Variants in PSME1 observed in about 807,000 individuals in gnomAD.
PSME1 encodes proteasome activator subunit 1, also known as proteasome activator complex subunit 1.
Under a neutral mutation model 38.4 loss-of-function variants are expected in PSME1, and 15 were observed. That is an observed-to-expected ratio of 0.39 (90% CI 0.26 to 0.60). The LOEUF is 0.60. PSME1 is among the 20% of genes least tolerant of loss of function. The pLI is 0.53. For synonymous variants in PSME1, 106 were observed against 106.8 expected (o/e 0.99, Z 0.05); for missense variants, 249 against 305.6 (o/e 0.81, Z 1.38).
rs777672344 is a variant in PSME1, at chr14:24,137,396, G to C, written c.211G>C (p.Glu71Gln). 6.2e-7 allele frequency: 1 copy of C among 1,614,130 alleles called. No individual in the cohort carries two copies. Among genetic ancestry groups the C allele is most frequent in the Non-Finnish European group, 8.5e-7 (1 of 1,180,026 alleles). The change falls in exon 4 of 11, where the codon GAG becomes CAG. Residue 71 changes from glutamate (E) to glutamine (Q), a missense_variant. Physicochemically the swap from Glu to Gln is conservative, Grantham distance 29 (BLOSUM62 2). Coordinates refer to ENST00000206451, the MANE Select transcript of PSME1 (RefSeq NM_006263.4). Reference protein sequence around the residue: ...LDIPVPDPVKEKEKEERKKQQ... With the variant: ...LDIPVPDPVKQKEKEERKKQQ... ...CATCCCAGTGCCTGATCCAGTCAAGGAGAAAGAGAAAGAGGAGCGGAAGAA... is the reference window on the plus strand; with the variant it reads ...CATCCCAGTGCCTGATCCAGTCAAGCAGAAAGAGAAAGAGGAGCGGAAGAA...
In PSME1 at chr14:24,138,336, C is replaced by T; in HGVS notation, c.528-9C>T. On this transcript the variant is annotated splice_polypyrimidine_tract_variant and intron_variant, in intron 8 of 10. Transcript: ENST00000206451. ...TTCTTCTACTCCATACACACTTCTC[C>T]TTCCACAGGTATTTCTCTGAGCGTG... The T allele has an allele frequency of 1.9e-6, 3 of 1,614,110 alleles. No homozygotes were observed. The highest frequency in any genetic ancestry group is 1.7e-6 in the Non-Finnish European group (2 of 1,180,034).
intron 10 of PSME1, 68 bp from the exon 11 acceptor site, chr14:24,138,668 A>G: frequency 2.5e-6 from 4 of 1,613,594 alleles, no homozygotes; most frequent in Non-Finnish European, 3.4e-6. Flanking sequence ...CAGCTTCTCC[A>G]CAAGGCTAGA....
Position 24,138,123 on chromosome 14 carries a change from A to G in PSME1, c.459+6A>G, listed in dbSNP as rs775329105. ...ATTTTGGAGTGGCTGTCCAGGTGAG[A>G]GCGCTGCCCCACTTCCCTGCTCTTT... is the stretch of plus-strand genomic sequence containing the variant. On this transcript the variant is annotated splice_donor_region_variant and intron_variant, in intron 7 of 10. Coordinates refer to ENST00000206451, the MANE Select transcript of PSME1 (RefSeq NM_006263.4). The G allele has an allele frequency of 3.1e-6, 5 of 1,614,128 alleles. No homozygotes were observed. The highest frequency in any genetic ancestry group is 2.2e-5 in the South Asian group (2 of 91,084).
chr14:24,138,947 T>C lies in PSME1; in HGVS notation c.*131T>C, dbSNP rs762255035. 1.7e-5 allele frequency: 27 copies of C among 1,599,068 alleles called. No homozygotes were observed. The highest frequency in any genetic ancestry group is 2.2e-5 in the Non-Finnish European group (26 of 1,171,326). ...CCTTGCCTCTCAGGCACAATAAATA[T>C]AGTTATACCACTGCCCATCAGCCCA... On this transcript the variant is annotated 3_prime_UTR_variant, in exon 11 of 11. Transcript: ENST00000206451.
chr14:24,138,904 G>T lies in PSME1; in HGVS notation c.*88G>T, dbSNP rs1049104856. The T allele has an allele frequency of 2.5e-6, 4 of 1,591,604 alleles. No homozygotes were observed. In the African/African-American group the frequency reaches 5.4e-5, roughly 21 times the overall value. ...CCAGATTTTCCCCAAACTTGCTTCTGTTGAGATTTTTCCCTCACCTTGCCT... is the reference window on the plus strand; with the variant it reads ...CCAGATTTTCCCCAAACTTGCTTCTTTTGAGATTTTTCCCTCACCTTGCCT... On this transcript the variant is annotated 3_prime_UTR_variant, in exon 11 of 11. Coordinates refer to ENST00000206451, the MANE Select transcript of PSME1 (RefSeq NM_006263.4).
intron 6 of PSME1, 61 bp downstream of exon 6, chr14:24,137,858 C>A (rs1714723643): frequency 6.4e-7 from 1 of 1,569,932 alleles, no homozygotes; most frequent in South Asian, 1.1e-5. Flanking sequence ...TTGGTCCCTG[C>A]CATTTAGGGC....
Position 24,136,976 on chromosome 14 carries a change from G to A in PSME1, c.40-9G>A. 6.2e-7 allele frequency: 1 copy of A among 1,614,154 alleles called. No individual in the cohort carries two copies. Among genetic ancestry groups the A allele is most frequent in the South Asian group, 1.1e-5 (1 of 91,084 alleles). ...GCCAAGTTTCTGAAGGGATGCGTGT[G>A]CCCCACAGGTGGATGTGTTTCGTGA... On this transcript the variant is annotated splice_polypyrimidine_tract_variant and intron_variant, in intron 1 of 10. Transcript: ENST00000206451. This position sits in a 1 kb window ranked among gnomAD's most constrained non-coding sequence, Gnocchi z 4.8.
chr14:24,138,280 G>C lies in PSME1; in HGVS notation c.527+17G>C. 1 of 1,614,098 alleles carries C rather than the reference G, an allele frequency of 6.2e-7. No homozygotes were observed. The highest frequency in any genetic ancestry group is 1.1e-5 in the South Asian group (1 of 91,088). ...AATCTCTAAGTGAGTGACCACCCAT[G>C]TGCACACTGTTTTTGTTTTGGGAGA... On this transcript the variant is annotated intron_variant, in intron 8 of 10. Coordinates refer to ENST00000206451, the MANE Select transcript of PSME1 (RefSeq NM_006263.4).
chr14:24,138,461 G>A lies in PSME1; in HGVS notation c.583-13G>A, dbSNP rs539304082. The A allele has an allele frequency of 1.2e-5, 20 of 1,614,100 alleles. No homozygotes were observed. The highest frequency in any genetic ancestry group is 1.2e-4 in the African/African-American group (9 of 75,028). On this transcript the variant is annotated splice_polypyrimidine_tract_variant and intron_variant, in intron 9 of 10. Transcript: ENST00000206451. ...ACACATGTAAGGTCAGGCCTGACCC[G>A]AGCTTCCCACAGGGTGATTATCGGC... is the stretch of plus-strand genomic sequence containing the variant.
Position 24,137,182 on chromosome 14 carries a change from T to G in PSME1, c.112T>G (p.Ser38Ala). 1.2e-6 allele frequency: 2 copies of G among 1,614,150 alleles called. No homozygotes were observed. The highest frequency in any genetic ancestry group is 1.7e-6 in the Non-Finnish European group (2 of 1,180,026). The change falls in exon 3 of 11, where the codon TCT (serine) becomes GCT (alanine). Residue 38 changes from serine (S) to alanine (A), a missense_variant. Coordinates refer to ENST00000206451, the MANE Select transcript of PSME1 (RefSeq NM_006263.4). ...CGGGAGCTATTTCCCCAAGAAGATT[T>G]CTGAGCTGGATGCATTTTTAAAGGT... ...LLGSYFPKKI[S>A]ELDAFLKEPA...
At position 24,138,722 on chromosome 14, in the gene PSME1, C is replaced by A; in HGVS notation, c.670-14C>A. 1 of 1,614,164 alleles carries A rather than the reference C, an allele frequency of 6.2e-7. No homozygotes were observed. The highest frequency in any genetic ancestry group is 2.2e-5 in the East Asian group (1 of 44,884). On this transcript the variant is annotated splice_polypyrimidine_tract_variant and intron_variant, in intron 10 of 10. Transcript: ENST00000206451. ...TGGAGGCCTCTGACTGACCTCTACT[C>A]CCTGGCCCTGTAGGCTGTGTTATAT...
In PSME1 at chr14:24,137,129, C is replaced by T. The variant is rs2037918062; in HGVS notation, c.73-14C>T. ...GCTGACTCCCATCCTCCTCCACCCCCACCTCACACACAGACAGAGAACCTG... is the reference window on the plus strand; with the variant it reads ...GCTGACTCCCATCCTCCTCCACCCCTACCTCACACACAGACAGAGAACCTG... On this transcript the variant is annotated splice_polypyrimidine_tract_variant and intron_variant, in intron 2 of 10. Coordinates refer to ENST00000206451, the MANE Select transcript of PSME1 (RefSeq NM_006263.4). 1 of 1,614,144 alleles carries T rather than the reference C, an allele frequency of 6.2e-7. No homozygotes were observed.
rs751432068 is a variant in PSME1 at position 24,137,654 on chromosome 14, C to G, written c.293-46C>G. On this transcript the variant is annotated intron_variant, in intron 5 of 10. Coordinates refer to ENST00000206451, the MANE Select transcript of PSME1 (RefSeq NM_006263.4). ...TTTCTTTCCAGTCTCCCCTTCGCCCCTCACACAGGCTCAATCATGTGACTG... is the reference window on the plus strand; with the variant it reads ...TTTCTTTCCAGTCTCCCCTTCGCCCGTCACACAGGCTCAATCATGTGACTG... The G allele has an allele frequency of 1.9e-6, 3 of 1,610,916 alleles. No homozygotes were observed. The Admixed American group carries it at 5.0e-5, about 27-fold the overall frequency.
chr14:24,138,540 A>T lies in PSME1; in HGVS notation c.649A>T (p.Met217Leu), dbSNP rs144155948. The change falls in exon 10 of 11, where the codon ATG becomes TTG. Residue 217 changes from methionine (M) to leucine (L), a missense_variant. By Grantham distance (15) the Met-to-Leu change is conservative (BLOSUM62 2). Coordinates refer to ENST00000206451, the MANE Select transcript of PSME1 (RefSeq NM_006263.4). ...AEYRDIRLMV[M>L]EIRNAYAVLY... ...GTACCGGGACATCCGGCTGATGGTC[A>T]TGGAGATCCGCAATGCTTATGTGAG... is the stretch of plus-strand genomic sequence containing the variant. 6.2e-7 allele frequency: 1 copy of T among 1,614,124 alleles called. No homozygotes were observed. Among genetic ancestry groups the T allele is most frequent in the Admixed American group, 1.7e-5 (1 of 60,014 alleles).
Position 24,136,743 on chromosome 14 carries a change from A to G in PSME1, c.40-242A>G, listed in dbSNP as rs867625808. Among the ~76,000 whole-genome samples the G allele has an allele frequency of 6.6e-6, 1 of 151,608 alleles. No homozygotes were observed. The highest frequency in any genetic ancestry group is 2.4e-5 in the African/African-American group (1 of 41,206). On this transcript the variant is annotated intron_variant, in intron 1 of 10. Transcript: ENST00000206451. The surrounding 1 kb of genome is among the most constrained non-coding windows in gnomAD (Gnocchi z 4.8). ...GCCCTTCACCGCCAGGAATGTTCTC[A>G]TCCCCCATATCCAGCCCCAGGGATA...
In PSME1 at chr14:24,138,228, C is replaced by T. The variant is rs1594356974; in HGVS notation, c.492C>T (p.His164=). The change falls in exon 8 of 11, where the codon CAC becomes CAT. Residue 164 remains histidine, a synonymous_variant. Transcript: ENST00000206451. The stretch of plus-strand genomic sequence containing the variant: ...TGTTTGAGCTGATGACCAGCCTCCA[C>T]ACCAAGCTAGAAGGCTTCCACACTC... ...EKVFELMTSL[H]TKLEGFHTQI... is the part of the protein sequence containing the mutation. The T allele has an allele frequency of 6.2e-7, 1 of 1,614,234 alleles. No individual in the cohort carries two copies. Among genetic ancestry groups the T allele is most frequent in the Non-Finnish European group, 8.5e-7 (1 of 1,180,042 alleles).
At position 24,137,964 on chromosome 14, in the gene PSME1, A is replaced by C. The variant is rs11158566; in HGVS notation, c.391-85A>C. ...GGATAGACCCGGCACGCCTCCACCC[A>C]GTGTGGGGAGGGAAGCAAGGGAGAA... On this transcript the variant is annotated intron_variant, in intron 6 of 10. Coordinates refer to ENST00000206451, the MANE Select transcript of PSME1 (RefSeq NM_006263.4). The C allele has an allele frequency of 2.9e-3, 4,411 of 1,547,284 alleles. 81 individuals are homozygous for C. In the African/African-American group the frequency reaches 0.044, roughly 15 times the overall value.
At position 24,138,521 on chromosome 14, in the gene PSME1, G is replaced by A. The variant is rs754264262; in HGVS notation, c.630G>A (p.Arg210=). The change falls in exon 10 of 11, where the codon CGG becomes CGA. Residue 210 remains arginine (R), a synonymous_variant. Coordinates refer to ENST00000206451, the MANE Select transcript of PSME1 (RefSeq NM_006263.4). ...LVHELDEAEY[R]DIRLMVMEIR... The stretch of plus-strand genomic sequence containing the variant: ...ACGAGCTGGATGAGGCAGAGTACCG[G>A]GACATCCGGCTGATGGTCATGGAGA... The A allele has an allele frequency of 2.5e-5, 41 of 1,613,916 alleles. No homozygotes were observed. The highest frequency in any genetic ancestry group is 3.5e-5 in the Non-Finnish European group (41 of 1,180,034).
Position 24,138,849 on chromosome 14 carries a change from C to T in PSME1, c.*33C>T. The T allele has an allele frequency of 6.2e-7, 1 of 1,605,894 alleles. No homozygotes were observed. Among genetic ancestry groups the T allele is most frequent in the African/African-American group, 1.3e-5 (1 of 74,708 alleles). ...CTCTCCCATTCTGTGATGAGTACAG[C>T]AGAGACCTTCCTGCTTTTTACTGGG... On this transcript the variant is annotated 3_prime_UTR_variant, in exon 11 of 11. Coordinates refer to ENST00000206451, the MANE Select transcript of PSME1 (RefSeq NM_006263.4).
Sources: allele counts gnomAD v4.1 joint callset (sites outside exome capture counted in the v4.1 genomes callset), GRCh38; gene constraint gnomAD v4.1.1; non-coding constraint Gnocchi (gnomAD v3.1); transcripts MANE v1.5; gene names NCBI Gene and HGNC (gene_info 2026-07-23, HGNC 2026-07-21).